CEP43: variants seen among roughly 807,000 people sequenced by gnomAD.
CEP43 encodes the protein centrosomal protein 43.
CEP43 carries 36 observed loss-of-function variants against 52.6 expected under a neutral mutation model. That is an observed-to-expected ratio of 0.68 (90% CI 0.52 to 0.90). The LOEUF (loss-of-function observed/expected upper bound fraction) is 0.90. CEP43 is among the 40% of genes least tolerant of loss of function. The pLI is 0.00. For missense variants in CEP43, 506 were observed against 472.8 expected, an observed-to-expected ratio of 1.07 and a Z score of -0.65; for synonymous variants, 192 against 172.4, an observed-to-expected ratio of 1.11 and a Z score of -0.89.
chr6:167,041,593 T>C lies in CEP43; in HGVS notation c.*1615T>C, dbSNP rs1780696644. The C allele has an allele frequency of 9.6e-7, 1 of 1,046,758 alleles. No individual in the cohort carries two copies. Among genetic ancestry groups the C allele is most frequent in the Non-Finnish European group, 1.2e-6 (1 of 867,604 alleles). 64.8% of individuals were successfully genotyped at this position (1,046,758 alleles called of 1,614,324 possible). A position where few individuals can be genotyped will look rare whatever the true frequency, so the allele number is the denominator to read the frequency against. On this transcript the variant is annotated 3_prime_UTR_variant, in exon 13 of 13. Transcript: ENST00000366847. Reference sequence around the variant, plus strand: ...ACTATAGTTCTGGTCCCCTGGAATCTGGATCACATGTATGATTTATTTTTA... The same window carrying C: ...ACTATAGTTCTGGTCCCCTGGAATCCGGATCACATGTATGATTTATTTTTA...
At chr6:167,021,412 C>G (rs1054690824) in intron 7 of CEP43, among the ~76,000 whole-genome samples, 1 of 152,184 alleles carries the variant, frequency 6.6e-6, no homozygotes, top group Non-Finnish European at 1.5e-5. Context: ...AGAAAGCCAT[C>G]TCCAGATCCT....
intron 8 of CEP43, among the ~76,000 whole-genome samples, chr6:167,024,496 C>T (rs1166935995): frequency 6.6e-6 from 1 of 151,938 alleles, no homozygotes; most frequent in African/African-American, 2.4e-5. Context: ...TGGAAAAGGG[C>T]TTCCGAAAAA....
chr6:167,039,826 T>C, intron 12 of CEP43, 78 bp from the exon 13 acceptor site: 3 of 1,474,072 alleles, frequency 2.0e-6, no homozygotes, highest in Non-Finnish European at 2.8e-6. Context: ...TATCTCATTG[T>C]GGCTTTGATT....
At chr6:167,028,255 T>G in intron 10 of CEP43, 1 of 985,450 alleles carries the variant, frequency 1.0e-6, no homozygotes, top group Non-Finnish European at 1.2e-6. Flanking sequence ...TCCCTCCTGT[T>G]TCTGAGTGGG....
At chr6:167,024,265 G>C (rs1158967051) in intron 8 of CEP43, among the ~76,000 whole-genome samples, 1 of 152,146 alleles carries the variant, frequency 6.6e-6, no homozygotes, top group Non-Finnish European at 1.5e-5. Flanking sequence ...AGTGGAGAAA[G>C]CATGAAATCT....
chr6:167,052,458 A>G lies in CEP43; in HGVS notation c.*12480A>G, dbSNP rs1283176195. On this transcript the variant is annotated 3_prime_UTR_variant, in exon 13 of 13. Coordinates refer to ENST00000366847, the MANE Select transcript of CEP43 (RefSeq NM_007045.4). ...GGGCCTTTGTAAATTCCCAGTGACA[A>G]CTCTTTGGAAGATGAAATCCCCCTC... is the stretch of plus-strand genomic sequence containing the variant. 6.6e-6 allele frequency: 1 copy of G among 151,926 alleles called. No individual in the cohort carries two copies. Among genetic ancestry groups the G allele is most frequent in the Non-Finnish European group, 1.5e-5 (1 of 68,008 alleles). The allele number at this position is 151,926 out of a possible 1,614,324, so 9.4% of individuals were successfully genotyped here. A position where few individuals can be genotyped will look rare whatever the true frequency, so the allele number is the denominator to read the frequency against.
chr6:167,016,439 A>G (rs1780101360), intron 7 of CEP43, among the ~76,000 whole-genome samples: 1 of 152,126 alleles, frequency 6.6e-6, no homozygotes, highest in African/African-American at 2.4e-5. Context: ...AAATGTTTTC[A>G]TGTAGAGGCA....
intron 12 of CEP43, among the ~76,000 whole-genome samples, chr6:167,035,427 G>C (rs1231735185): frequency 6.6e-6 from 1 of 152,136 alleles, no homozygotes; most frequent in African/African-American, 2.4e-5. Context: ...TATTTAGAGA[G>C]CACAGGGCTG....
At chr6:167,026,431 GTTA>G in intron 9 of CEP43, 113 bp from the exon 10 acceptor site, 3 of 694,604 alleles carry the variant, frequency 4.3e-6, no homozygotes, top group Non-Finnish European at 7.8e-6. Flanking sequence ...TTAGTTTTAG[GTTA>G]TTATGCTCCT....
In CEP43 at chr6:167,047,908, A is replaced by G. The variant is rs533744662; in HGVS notation, c.*7930A>G. ...GAAAAGGATTTTCACGAAAACCTGCATTTTCATTTCGTTCACAAGAGAATT... is the reference window on the plus strand; with the variant it reads ...GAAAAGGATTTTCACGAAAACCTGCGTTTTCATTTCGTTCACAAGAGAATT... On this transcript the variant is annotated 3_prime_UTR_variant, in exon 13 of 13. Transcript: ENST00000366847. 6.6e-6 allele frequency: 1 copy of G among 152,282 alleles called. No homozygotes were observed. Among genetic ancestry groups the G allele is most frequent in the South Asian group, 2.1e-4 (1 of 4,824 alleles). 9.4% of individuals were successfully genotyped at this position (152,282 alleles called of 1,614,324 possible).
Position 167,022,514 on chromosome 6 carries a change from T to C in CEP43, c.685T>C (p.Phe229Leu). 1.1e-5 allele frequency: 18 copies of C among 1,614,062 alleles called. No individual in the cohort carries two copies. The highest frequency in any genetic ancestry group is 1.5e-5 in the Non-Finnish European group (18 of 1,179,978). ...LLSHETKIGS[F>L]LSNRTLDGKD... ...GTCCCATGAAACAAAAATTGGATCTTTTCTAAGCAACAGAACTTTAGATGG... is the reference window on the plus strand; with the variant it reads ...GTCCCATGAAACAAAAATTGGATCTCTTCTAAGCAACAGAACTTTAGATGG... The change falls in exon 8 of 13, where the codon TTT becomes CTT. Residue 229 changes from phenylalanine to leucine, a missense_variant. Coordinates refer to ENST00000366847, the MANE Select transcript of CEP43 (RefSeq NM_007045.4).
intron 7 of CEP43, among the ~76,000 whole-genome samples, chr6:167,021,537 A>G (rs899323973): frequency 6.6e-6 from 1 of 152,180 alleles, no homozygotes; most frequent in Non-Finnish European, 1.5e-5. Flanking sequence ...TATTATTAAC[A>G]TAGACCCGTC....
At chr6:167,000,653 C>T (rs6907391) in intron 2 of CEP43, among the ~76,000 whole-genome samples, 10,528 of 152,268 alleles carry the variant, frequency 0.069, 861 homozygotes, top group African/African-American at 0.19. Flanking sequence ...ATCATCAAAG[C>T]CTTAAACTCT....
rs147567386 is a variant in CEP43 at position 167,010,884 on chromosome 6, A to T, written c.510A>T (p.Thr170=). The T allele has an allele frequency of 1.3e-6, 2 of 1,593,206 alleles. No individual in the cohort carries two copies. The highest frequency in any genetic ancestry group is 1.7e-6 in the Non-Finnish European group (2 of 1,169,296). ...SPEGKTSAQT[T]PSKIPRYKGQ... ...AGGGAAAAACAAGTGCACAGACAAC[A>T]CCAAGTAAGGTGAGTTAGCTGTGGA... The change falls in exon 6 of 13, where the codon ACA becomes ACT. Residue 170 remains threonine (T), a synonymous_variant. Coordinates refer to ENST00000366847, the MANE Select transcript of CEP43 (RefSeq NM_007045.4).
rs942731192 is a variant in CEP43 at position 167,049,674 on chromosome 6, C to G, written c.*9696C>G. On this transcript the variant is annotated 3_prime_UTR_variant, in exon 13 of 13. Transcript: ENST00000366847. ...TGTGAATAACAGTGCTAAGCACATT[C>G]ATATGCAGTGTTTGTGTAGATATAT... 1 of 152,210 alleles carries G rather than the reference C, an allele frequency of 6.6e-6. No homozygotes were observed. Among genetic ancestry groups the G allele is most frequent in the African/African-American group, 2.4e-5 (1 of 41,454 alleles). 9.4% of individuals were successfully genotyped at this position (152,210 alleles called of 1,614,324 possible).
Position 167,010,093 on chromosome 6 carries a change from T to C in CEP43, c.439-720T>C, listed in dbSNP as rs183614366. 6.5e-4 allele frequency among the ~76,000 whole-genome samples: 99 copies of C among 152,362 alleles called. 4 individuals carry two copies. The East Asian group carries it at 0.018, about 28-fold the overall frequency. ...TTCGTATTTAAAAAGTTACAGTCAGTCATAAAGGGATTTTTGTAACAAACA... is the reference window on the plus strand; with the variant it reads ...TTCGTATTTAAAAAGTTACAGTCAGCCATAAAGGGATTTTTGTAACAAACA... On this transcript the variant is annotated intron_variant, in intron 5 of 12. Coordinates refer to ENST00000366847, the MANE Select transcript of CEP43 (RefSeq NM_007045.4).
rs1473738524 is a variant in CEP43 at position 167,052,668 on chromosome 6, A to G, written c.*12690A>G. 6.6e-6 allele frequency: 1 copy of G among 152,204 alleles called. No homozygotes were observed. Among genetic ancestry groups the G allele is most frequent in the East Asian group, 1.9e-4 (1 of 5,204 alleles). 9.4% of individuals were successfully genotyped at this position (152,204 alleles called of 1,614,324 possible). ...TGTTCCACTTACTGCAGTTGCCTAC[A>G]GTCTGGGTTTTGTTCAGTTGAAATT... is the stretch of plus-strand genomic sequence containing the variant. On this transcript the variant is annotated 3_prime_UTR_variant, in exon 13 of 13. Coordinates refer to ENST00000366847, the MANE Select transcript of CEP43 (RefSeq NM_007045.4).
In CEP43 at chr6:167,016,976, TTTA is replaced by T. The variant is rs1225674184; in HGVS notation, c.579+3415_579+3417del. Among the ~76,000 whole-genome samples, 4 of 150,584 alleles carry T rather than the reference TTTA, an allele frequency of 2.7e-5. No homozygotes were observed. The East Asian group carries it at 7.9e-4, about 30-fold the overall frequency. ...ATAAAAAATAATAATACAAATTTTA[TTTA>T]TTATTTATTTATTTTTTTTTTTTTT... is the stretch of plus-strand genomic sequence containing the variant. On this transcript the variant is annotated intron_variant, in intron 7 of 12. Coordinates refer to ENST00000366847, the MANE Select transcript of CEP43 (RefSeq NM_007045.4).
intron 10 of CEP43, among the ~76,000 whole-genome samples, chr6:167,031,973 C>G (rs185726226): frequency 6.6e-6 from 1 of 152,312 alleles, no homozygotes; most frequent in East Asian, 1.9e-4. Context: ...TTATTAAGAT[C>G]TTACTGTGGA....
Sources: allele counts gnomAD v4.1 joint callset (sites outside exome capture counted in the v4.1 genomes callset), GRCh38; gene constraint gnomAD v4.1.1; transcripts MANE v1.5; gene names NCBI Gene and HGNC (gene_info 2026-07-23, HGNC 2026-07-21).